The following CTNNA3 variants were observed in gnomAD, a reference collection of about 807,000 sequenced individuals.
CTNNA3 encodes catenin alpha-3.
In CTNNA3, 76 loss-of-function variants were observed where a neutral mutation model predicts 95.7. That is an observed-to-expected ratio of 0.79 (90% CI 0.66 to 0.96). The LOEUF is 0.96. Among genes scored for constraint, CTNNA3 ranks in the 40% least tolerant of loss-of-function variants. The probability of loss-of-function intolerance (pLI) is 0.00; values close to 1 mark genes in which losing one functional copy is unlikely to be tolerated. For synonymous variants in CTNNA3, 431 were observed against 374.4 expected (o/e 1.15, Z -1.74); for missense variants, 1,191 against 1,089.8 (o/e 1.09, Z -1.31).
At chr10:66,274,985 T>C (rs2091360647) in intron 13 of CTNNA3, among the ~76,000 whole-genome samples, 2 of 152,202 alleles carry the variant, frequency 1.3e-5, no homozygotes, top group Admixed American at 1.3e-4. Flanking sequence ...TTTTATAATT[T>C]TGGATGCTGT....
chr10:66,065,308 C>A lies in CTNNA3; in HGVS notation c.2159+4000G>T, dbSNP rs182578706. ...CATTTTTGGCTATAGCTTTTTATTC[C>A]CCTTTTACAATTTCATTCTGTCCCT... On this transcript the variant is annotated intron_variant, in intron 15 of 17. Transcript: ENST00000433211. Among the ~76,000 whole-genome samples, 94 of 151,556 alleles carry A rather than the reference C, an allele frequency of 6.2e-4. 1 individual carries two copies. Among genetic ancestry groups the A allele is most frequent in the African/African-American group, 2.0e-3 (82 of 41,316 alleles).
At chr10:67,501,415 C>A (rs1839228781) in intron 5 of CTNNA3, among the ~76,000 whole-genome samples, 1 of 152,226 alleles carries the variant, frequency 6.6e-6, no homozygotes, top group Non-Finnish European at 1.5e-5. Context: ...TCATTTCAAC[C>A]ACGATGAATC....
intron 13 of CTNNA3, among the ~76,000 whole-genome samples, chr10:66,113,391 C>T (rs1296691473): frequency 1.3e-5 from 2 of 152,134 alleles, no homozygotes; most frequent in Non-Finnish European, 2.9e-5. Context: ...TGCTCTGAGA[C>T]AGAGCTGTGA....
chr10:67,234,682 G>A (rs1209835719), intron 5 of CTNNA3, among the ~76,000 whole-genome samples: 1 of 151,824 alleles, frequency 6.6e-6, no homozygotes, highest in South Asian at 2.1e-4. Flanking sequence ...GCAGGAGAAG[G>A]AAATAAAGGG....
At chr10:66,306,101 T>C (rs1302769747) in intron 12 of CTNNA3, among the ~76,000 whole-genome samples, 1 of 152,176 alleles carries the variant, frequency 6.6e-6, no homozygotes, top group East Asian at 1.9e-4. Context: ...ACCTAAAGGG[T>C]TAGAAAAAAA....
At chr10:66,584,148 A>G (rs549247672) in intron 10 of CTNNA3, among the ~76,000 whole-genome samples, 110 of 152,060 alleles carry the variant, frequency 7.2e-4, no homozygotes, top group Non-Finnish European at 1.3e-3. Context: ...AAGAATGTAT[A>G]TTCTGTAGTT....
In CTNNA3 at chr10:66,956,464, T is replaced by A. The variant is rs142197173; in HGVS notation, c.1048-180940A>T. Among the ~76,000 whole-genome samples, 22 of 152,158 alleles carry A rather than the reference T, an allele frequency of 1.4e-4. No homozygotes were observed. In the East Asian group the frequency reaches 3.3e-3, roughly 23 times the overall value. The stretch of plus-strand genomic sequence containing the variant: ...TGGCTTGCAGAGCTTGGGCTGAGAA[T>A]CTTTGCAAGTTATTGTCATCCAGGC... On this transcript the variant is annotated intron_variant, in intron 7 of 17. Transcript: ENST00000433211.
intron 15 of CTNNA3, among the ~76,000 whole-genome samples, chr10:66,009,616 T>C (rs1158716484): frequency 2.0e-5 from 3 of 152,254 alleles, no homozygotes; most frequent in Non-Finnish European, 4.4e-5. Flanking sequence ...ATAACTCCAA[T>C]GTTATTTTTT....
chr10:66,531,764 A>G (rs553380667), intron 10 of CTNNA3, among the ~76,000 whole-genome samples: 1 of 152,254 alleles, frequency 6.6e-6, no homozygotes, highest in African/African-American at 2.4e-5. Context: ...ACATAAAACT[A>G]AAATAAGAGA....
chr10:66,086,260 A>G (rs1193206872), intron 14 of CTNNA3, among the ~76,000 whole-genome samples: 1 of 152,154 alleles, frequency 6.6e-6, no homozygotes, highest in Non-Finnish European at 1.5e-5. Context: ...AAATGAGCAC[A>G]AAAGGAAATT....
chr10:66,031,588 G>A lies in CTNNA3; in HGVS notation c.2159+37720C>T, dbSNP rs983728608. Among the ~76,000 whole-genome samples, 12 of 152,092 alleles carry A rather than the reference G, an allele frequency of 7.9e-5. No homozygotes were observed. The East Asian group carries it at 1.9e-3, about 24-fold the overall frequency. On this transcript the variant is annotated intron_variant, in intron 15 of 17. Transcript: ENST00000433211. ...GAGGGAGGGAGAGAGGGAGTAAAGG[G>A]TTGAAAAACTATCTACTGGGTACCA...
At chr10:67,738,707 G>A (rs552247488) in intron 1 of CTNNA3, among the ~76,000 whole-genome samples, 8 of 151,756 alleles carry the variant, frequency 5.3e-5, no homozygotes, top group South Asian at 2.1e-4. Flanking sequence ...AAAATTAGAC[G>A]AATGGCTAAC....
chr10:66,567,823 T>C (rs1241618668), intron 10 of CTNNA3, among the ~76,000 whole-genome samples: 1 of 152,164 alleles, frequency 6.6e-6, no homozygotes, highest in Non-Finnish European at 1.5e-5. Flanking sequence ...TCCATCTTGG[T>C]TGATGATTTT....
At chr10:67,452,056 A>T (rs1847007391) in intron 5 of CTNNA3, among the ~76,000 whole-genome samples, 1 of 140,978 alleles carries the variant, frequency 7.1e-6, no homozygotes, top group Non-Finnish European at 1.5e-5. Context: ...GGAGGGAGGG[A>T]GGAATGGAAG....
At chr10:66,800,956 A>G (rs1233013944) in intron 7 of CTNNA3, among the ~76,000 whole-genome samples, 1 of 151,346 alleles carries the variant, frequency 6.6e-6, no homozygotes, top group Admixed American at 6.6e-5. Flanking sequence ...ACATTCCTAA[A>G]CAAAATATAA....
intron 1 of CTNNA3, among the ~76,000 whole-genome samples, chr10:67,713,718 A>G (rs1469760396): frequency 6.6e-6 from 1 of 152,194 alleles, no homozygotes; most frequent in Non-Finnish European, 1.5e-5. Flanking sequence ...TCTCACTCAT[A>G]AGTGGGAGTT....
chr10:66,999,051 GAA>G (rs912871728), intron 7 of CTNNA3, among the ~76,000 whole-genome samples: 1 of 152,042 alleles, frequency 6.6e-6, no homozygotes, highest in African/African-American at 2.4e-5. Context: ...TAGTTATAAA[GAA>G]AACGGAAGAC....
intron 11 of CTNNA3, among the ~76,000 whole-genome samples, chr10:66,389,775 A>G (rs534036227): frequency 1.0e-3 from 154 of 150,444 alleles, no homozygotes; most frequent in Non-Finnish European, 1.4e-3. Context: ...GTCTCCTTCT[A>G]TCACCCAGGA....
intron 7 of CTNNA3, among the ~76,000 whole-genome samples, chr10:66,785,379 A>T (rs1840701295): frequency 6.6e-6 from 1 of 152,334 alleles, no homozygotes; most frequent in African/African-American, 2.4e-5. Context: ...AGACCCAGTA[A>T]AGAACAAAAT....
Sources: gnomAD v4.1 joint callset for allele counts (sites outside exome capture counted in the v4.1 genomes callset) on GRCh38, gnomAD v4.1.1 for gene constraint, MANE v1.5 for transcripts, NCBI Gene and HGNC (gene_info 2026-07-23, HGNC 2026-07-21) for gene names.